The following MYO16 variants were observed in gnomAD, a reference collection of about 807,000 sequenced individuals.
MYO16 encodes myosin XVI, also known as unconventional myosin-XVI.
Under a neutral mutation model 205.3 loss-of-function variants are expected in MYO16, and 94 were observed. That is an observed-to-expected ratio of 0.46 (90% confidence interval 0.39 to 0.54). The LOEUF (loss-of-function observed/expected upper bound fraction) is 0.54, where lower values mean the gene tolerates loss of function less well. MYO16 is among the 20% of genes least tolerant of loss of function. MYO16 has a pLI of 0.00. For synonymous variants in MYO16, 988 were observed against 954.0 expected, an observed-to-expected ratio of 1.04 and a Z score of -0.66; for missense variants, 2,315 against 2,387.5, an observed-to-expected ratio of 0.97 and a Z score of 0.63.
Position 109,046,988 on chromosome 13 carries a change from A to C in MYO16, c.2869A>C (p.Lys957Gln), listed in dbSNP as rs770385868. The C allele has an allele frequency of 1.2e-6, 2 of 1,607,122 alleles. No homozygotes were observed. Among genetic ancestry groups the C allele is most frequent in the East Asian group, 4.5e-5 (2 of 44,744 alleles). The change falls in exon 24 of 35, where the codon AAA becomes CAA. Residue 957 changes from lysine (K) to glutamine (Q), a missense_variant. Coordinates refer to ENST00000457511, the MANE Select transcript of MYO16 (RefSeq NM_001198950.3). ...SLSQNLLFVM[K>Q]TSENVVINHL... ...TTCACAGAATCTTCTATTTGTAATG[A>C]AAAGTAAGTTGATTTTTTTTCCTGC...
intron 1 of MYO16, among the ~76,000 whole-genome samples, chr13:108,611,004 A>C (rs1285034361): frequency 6.6e-6 from 1 of 152,228 alleles, no homozygotes; most frequent in East Asian, 1.9e-4. Flanking sequence ...AAAAGCCATC[A>C]TGATTTGAAT....
intron 16 of MYO16, among the ~76,000 whole-genome samples, chr13:108,924,585 A>G (rs1045310707): frequency 6.6e-6 from 1 of 152,224 alleles, no homozygotes; most frequent in African/African-American, 2.4e-5. Flanking sequence ...CAGATTCAGT[A>G]GAACCATGTT....
At chr13:108,779,755 T>G (rs1886239928) in intron 4 of MYO16, 1 of 152,256 alleles carries the variant, frequency 6.6e-6, no homozygotes, top group Admixed American at 6.5e-5. Context: ...GACCTGGGGC[T>G]CTCTGGCAAG....
chr13:108,702,003 G>T (rs975232119), intron 2 of MYO16, among the ~76,000 whole-genome samples: 2 of 149,408 alleles, frequency 1.3e-5, no homozygotes, highest in Non-Finnish European at 3.0e-5. Flanking sequence ...AGATGATCCA[G>T]TCTGAGGTAG....
At chr13:108,752,990 A>G (rs1475504254) in intron 4 of MYO16, among the ~76,000 whole-genome samples, 2 of 151,774 alleles carry the variant, frequency 1.3e-5, no homozygotes, top group Non-Finnish European at 2.9e-5. Flanking sequence ...TGTATTAAAT[A>G]TGTTAATCAG....
At chr13:108,670,719 T>C (rs367676985) in intron 2 of MYO16, among the ~76,000 whole-genome samples, 1 of 152,254 alleles carries the variant, frequency 6.6e-6, no homozygotes, top group African/African-American at 2.4e-5. Context: ...TCCTTTGTCC[T>C]TATTCTTAGG....
rs757231382 is a variant in MYO16 at position 109,141,360 on chromosome 13, A to T, written c.5148A>T (p.Lys1716Asn). 2.0e-5 allele frequency: 31 copies of T among 1,543,234 alleles called. No homozygotes were observed. The highest frequency in any genetic ancestry group is 4.1e-5 in the Admixed American group (2 of 48,924). Residue 1716 changes from lysine (K) to asparagine (N), a missense_variant, in exon 32 of 35, where the codon AAA becomes AAT. By Grantham distance (94) the Lys-to-Asn change is moderately conservative. Transcript: ENST00000457511. This position sits in a 1 kb window ranked among gnomAD's most constrained non-coding sequence, Gnocchi z 4.1. ...SVLRKSAAGR[K>N]IREAEGFETN... ...TTCGGAAATCCGCGGCGGGAAGAAA[A>T]ATCAGGGAAGCAGAAGGTAAGCGGA...
intron 12 of MYO16, among the ~76,000 whole-genome samples, chr13:108,872,836 T>C (rs1257879154): frequency 6.6e-6 from 1 of 152,084 alleles, no homozygotes; most frequent in Non-Finnish European, 1.5e-5. Context: ...AAGCTTACAA[T>C]AAAATTACCT....
At chr13:108,662,021 C>T (rs980620912) in intron 1 of MYO16, among the ~76,000 whole-genome samples, 5 of 152,174 alleles carry the variant, frequency 3.3e-5, no homozygotes, top group Non-Finnish European at 7.4e-5. Context: ...GATGTGACTT[C>T]CTGTGAGCCA....
rs535333933 is a variant in MYO16, at chr13:108,853,200, C to G, written c.1249-2243C>G. ...GGTAGCGCTCGGTGCCTATGAGACT[C>G]CGCAAAGTGGAACTCAGTGTATAAT... is the stretch of plus-strand genomic sequence containing the variant. On this transcript the variant is annotated intron_variant, in intron 10 of 34. Coordinates refer to ENST00000457511, the MANE Select transcript of MYO16 (RefSeq NM_001198950.3). Among the ~76,000 whole-genome samples, 3 of 152,302 alleles carry G rather than the reference C, an allele frequency of 2.0e-5. No individual in the cohort carries two copies. In the East Asian group the frequency reaches 5.8e-4, roughly 29 times the overall value.
intron 32 of MYO16, among the ~76,000 whole-genome samples, chr13:109,160,168 C>A (rs1224953885): frequency 6.6e-6 from 1 of 152,196 alleles, no homozygotes; most frequent in African/African-American, 2.4e-5. Flanking sequence ...TGTCTCCAGA[C>A]ATTGCTGAAT....
intron 20 of MYO16, among the ~76,000 whole-genome samples, chr13:108,980,906 G>A (rs550427211): frequency 4.8e-4 from 73 of 152,210 alleles, no homozygotes; most frequent in Non-Finnish European, 8.8e-4. Context: ...CCCTTTTACA[G>A]ATAAAGAAAA....
At chr13:108,544,723 A>G in the MYO16 span, among the ~76,000 whole-genome samples, 1 of 152,138 alleles carries the variant, frequency 6.6e-6, no homozygotes, top group Non-Finnish European at 1.5e-5. Flanking sequence ...CCCATTAACC[A>G]TTGCTAACTC....
chr13:108,649,801 G>A (rs994795244), intron 1 of MYO16, among the ~76,000 whole-genome samples: 1 of 152,186 alleles, frequency 6.6e-6, no homozygotes, highest in Non-Finnish European at 1.5e-5. Flanking sequence ...GTTGGACACA[G>A]AGAAACTTAT....
chr13:109,145,928 G>A (rs925310692), intron 32 of MYO16, among the ~76,000 whole-genome samples: 9 of 152,172 alleles, frequency 5.9e-5, no homozygotes, highest in Admixed American at 3.9e-4. Context: ...CCGAATTAAC[G>A]AAAATCAGAC....
chr13:108,503,512 C>T, the MYO16 span, among the ~76,000 whole-genome samples: 2 of 151,396 alleles, frequency 1.3e-5, no homozygotes, highest in African/African-American at 2.4e-5. Flanking sequence ...GAAATTAAAA[C>T]AAAAATTCAT....
intron 2 of MYO16, among the ~76,000 whole-genome samples, chr13:108,675,596 G>A (rs1882168568): frequency 6.6e-6 from 1 of 152,184 alleles, no homozygotes; most frequent in Non-Finnish European, 1.5e-5. Context: ...ATGGAAAGAT[G>A]CACCATTCAT....
chr13:108,952,772 C>T (rs1400808754), intron 16 of MYO16, among the ~76,000 whole-genome samples: 2 of 152,128 alleles, frequency 1.3e-5, no homozygotes, highest in East Asian at 3.8e-4. Context: ...CTAGATACTG[C>T]CAGTGTTCCA....
chr13:108,951,767 A>T (rs1883159844), intron 16 of MYO16, among the ~76,000 whole-genome samples: 1 of 152,190 alleles, frequency 6.6e-6, no homozygotes, highest in African/African-American at 2.4e-5. Flanking sequence ...TTGCCAACTC[A>T]ACCCAGCACT....
Sources: allele counts gnomAD v4.1 joint callset (sites outside exome capture counted in the v4.1 genomes callset), GRCh38; gene constraint gnomAD v4.1.1; non-coding constraint Gnocchi (gnomAD v3.1); transcripts MANE v1.5; gene names NCBI Gene and HGNC (gene_info 2026-07-23, HGNC 2026-07-21).